Variants in PDE11A observed in about 807,000 individuals in gnomAD.
PDE11A encodes phosphodiesterase 11A.
A neutral mutation model predicts 100.5 loss-of-function variants in PDE11A; 100 were observed. The ratio of observed to expected loss-of-function variants is 1.00; its 90% CI spans 0.85 to 1.18. The LOEUF is 1.18. Ranked by LOEUF, PDE11A falls within the 50% of genes most tolerant of loss-of-function variation. The pLI is 0.00. For missense variants in PDE11A, 1,141 were observed against 1,152.6 expected (o/e 0.99, Z 0.15); for synonymous variants, 381 against 420.8 (o/e 0.91, Z 1.16).
intron 2 of PDE11A, among the ~76,000 whole-genome samples, chr2:177,946,838 G>T (rs2085443206): frequency 9.8e-6 from 1 of 102,392 alleles, no homozygotes; most frequent in Non-Finnish European, 2.1e-5. Flanking sequence ...GGAGGTGGGG[G>T]GGGTCAGCCC....
At chr2:177,659,785 T>G (rs10432481) in intron 19 of PDE11A, among the ~76,000 whole-genome samples, 98,054 of 145,394 alleles carry the variant, frequency 0.67, 33,912 homozygotes, top group Admixed American at 0.77. Context: ...TTCTTCTTTT[T>G]TTTTTTCCCC....
chr2:177,641,631 A>G (rs1433219106), intron 19 of PDE11A, among the ~76,000 whole-genome samples: 3 of 152,158 alleles, frequency 2.0e-5, no homozygotes, highest in African/African-American at 7.2e-5. Context: ...TTTGTATTAA[A>G]TTGCTTAAGA....
At chr2:177,946,890 C>T (rs2085444361) in intron 2 of PDE11A, among the ~76,000 whole-genome samples, 6 of 86,820 alleles carry the variant, frequency 6.9e-5, no homozygotes, top group African/African-American at 2.3e-4. Flanking sequence ...TGAGGGGCGC[C>T]TCTGCCCGGC....
At chr2:177,706,468 A>T (rs868447464) in intron 13 of PDE11A, among the ~76,000 whole-genome samples, 42 of 152,352 alleles carry the variant, frequency 2.8e-4, no homozygotes, top group Middle Eastern at 6.8e-3. Flanking sequence ...AAAAACAAGA[A>T]AAGAAGATAG....
At chr2:177,963,332 T>A (rs2085658887) in intron 2 of PDE11A, among the ~76,000 whole-genome samples, 1 of 152,154 alleles carries the variant, frequency 6.6e-6, no homozygotes, top group Non-Finnish European at 1.5e-5. Context: ...TGTGCTAGTG[T>A]AACCCAGCAT....
intron 6 of PDE11A, among the ~76,000 whole-genome samples, chr2:177,827,654 T>G (rs1251358012): frequency 1.3e-5 from 2 of 152,240 alleles, no homozygotes; most frequent in Non-Finnish European, 2.9e-5. Context: ...TTTTAATGCA[T>G]TCTTTGAATC....
intron 5 of PDE11A, among the ~76,000 whole-genome samples, chr2:177,863,864 C>T (rs922007662): frequency 9.9e-5 from 15 of 151,976 alleles, no homozygotes; most frequent in Admixed American, 6.6e-4. Flanking sequence ...AATGAAATCA[C>T]CACCTTATAA....
At chr2:177,916,175 T>C (rs2084950702) in intron 2 of PDE11A, among the ~76,000 whole-genome samples, 1 of 152,350 alleles carries the variant, frequency 6.6e-6, no homozygotes, top group Admixed American at 6.5e-5. Flanking sequence ...TTTGGTCTTC[T>C]AACTGTCCCT....
At chr2:178,052,606 T>C (rs1246371667) in intron 1 of PDE11A, among the ~76,000 whole-genome samples, 1 of 152,062 alleles carries the variant, frequency 6.6e-6, no homozygotes, top group Non-Finnish European at 1.5e-5. Flanking sequence ...ACAAAATTGA[T>C]AGACTGCTAG....
intron 19 of PDE11A, among the ~76,000 whole-genome samples, chr2:177,630,634 T>C (rs1464859777): frequency 3.3e-5 from 5 of 152,262 alleles, no homozygotes; most frequent in Non-Finnish European, 5.9e-5. Context: ...TTCTCTACTT[T>C]ACTGATTATT....
intron 2 of PDE11A, among the ~76,000 whole-genome samples, chr2:177,982,128 G>T (rs1292487355): frequency 6.6e-6 from 1 of 150,902 alleles, no homozygotes; most frequent in Admixed American, 6.6e-5. Flanking sequence ...GCTCTTTAAT[G>T]GAACTTCAAT....
intron 6 of PDE11A, 97 bp from the exon 7 acceptor site, chr2:177,820,392 CT>C: frequency 1.3e-6 from 1 of 761,458 alleles, no homozygotes. Context: ...TCAAAAATAA[CT>C]TTTTAAAGCT....
chr2:177,728,077 G>C lies in PDE11A; in HGVS notation c.1884C>G (p.Leu628=). The stretch of plus-strand genomic sequence containing the variant: ...CCATCCCCAGCTCCATGAACATCCG[G>C]AGAGCAGCTGTGATCATGGCATCAA... ...LDVDAMITAA[L]RMFMELGMVQ... Residue 628 remains leucine (L), a synonymous_variant, in exon 11 of 20, where the codon CTC becomes CTG. Coordinates refer to ENST00000286063, the MANE Select transcript of PDE11A (RefSeq NM_016953.4). The C allele has an allele frequency of 1.9e-6, 3 of 1,612,942 alleles. No homozygotes were observed. Among genetic ancestry groups the C allele is most frequent in the Non-Finnish European group, 2.5e-6 (3 of 1,179,090 alleles).
At chr2:177,999,513 T>C (rs1437523415) in intron 2 of PDE11A, among the ~76,000 whole-genome samples, 1 of 152,200 alleles carries the variant, frequency 6.6e-6, no homozygotes, top group Non-Finnish European at 1.5e-5. Flanking sequence ...AAGACAGATA[T>C]GGATAGGTTT....
chr2:177,638,284 C>T (rs995808261), intron 19 of PDE11A, among the ~76,000 whole-genome samples: 2 of 152,068 alleles, frequency 1.3e-5, no homozygotes, highest in Non-Finnish European at 2.9e-5. Flanking sequence ...TAGGCGTGAG[C>T]CACCGCGCCC....
intron 5 of PDE11A, among the ~76,000 whole-genome samples, chr2:177,863,900 G>A (rs1434059364): frequency 6.6e-6 from 1 of 151,982 alleles, no homozygotes; most frequent in African/African-American, 2.4e-5. Flanking sequence ...CATATTCATT[G>A]CAGCATTATT....
At chr2:177,864,966 C>A (rs1403014480) in intron 5 of PDE11A, among the ~76,000 whole-genome samples, 1 of 152,046 alleles carries the variant, frequency 6.6e-6, no homozygotes, top group Non-Finnish European at 1.5e-5. Flanking sequence ...ACCCTAATTG[C>A]AAAAAGCATG....
intron 19 of PDE11A, among the ~76,000 whole-genome samples, chr2:177,641,535 G>A (rs918669884): frequency 4.6e-5 from 7 of 151,962 alleles, no homozygotes; most frequent in African/African-American, 1.7e-4. Context: ...GTCCAGATGG[G>A]AGGCAGCAAA....
intron 9 of PDE11A, among the ~76,000 whole-genome samples, chr2:177,785,638 A>G (rs1033444096): frequency 9.2e-5 from 14 of 152,178 alleles, no homozygotes; most frequent in Non-Finnish European, 1.9e-4. Flanking sequence ...CTAGTCAAAG[A>G]AAGGGGTGAC....
Sources: allele counts gnomAD v4.1 joint callset (sites outside exome capture counted in the v4.1 genomes callset), GRCh38; gene constraint gnomAD v4.1.1; transcripts MANE v1.5; gene names NCBI Gene and HGNC (gene_info 2026-07-23, HGNC 2026-07-21).